UGT1A10: variants seen among roughly 807,000 people sequenced by gnomAD.
UGT1A10 encodes the protein UDP glucuronosyltransferase family 1 member A10, also known as UDP-glucuronosyltransferase 1A10.
In UGT1A10, 49 loss-of-function variants were observed where a neutral mutation model predicts 45.8. The observed-to-expected ratio is 1.07, with a 90% confidence interval of 0.85 to 1.36. The LOEUF (loss-of-function observed/expected upper bound fraction) is 1.36. Ranked by LOEUF, UGT1A10 falls within the 40% of genes most tolerant of loss-of-function variation. The probability of loss-of-function intolerance (pLI) is 0.00; values close to 1 mark genes in which losing one functional copy is unlikely to be tolerated. For missense variants in UGT1A10, 745 were observed against 668.6 expected (o/e 1.11, Z -1.26); for synonymous variants, 284 against 249.7 (o/e 1.14, Z -1.29).
intron 1 of UGT1A10, among the ~76,000 whole-genome samples, chr2:233,645,565 A>G (rs1487642268): frequency 6.6e-6 from 1 of 152,214 alleles, no homozygotes; most frequent in African/African-American, 2.4e-5. Flanking sequence ...CACCATTCCA[A>G]CTGGGAAAAA....
At chr2:233,727,498 G>A (rs2077621663) in intron 1 of UGT1A10, among the ~76,000 whole-genome samples, 1 of 152,136 alleles carries the variant, frequency 6.6e-6, no homozygotes, top group Non-Finnish European at 1.5e-5. Context: ...TAGAACATGG[G>A]AGCCCATGAA....
At chr2:233,699,174 T>G (rs1393097702) in intron 1 of UGT1A10, among the ~76,000 whole-genome samples, 1 of 152,106 alleles carries the variant, frequency 6.6e-6, no homozygotes, top group Non-Finnish European at 1.5e-5. Context: ...GTCTCTCTGA[T>G]CCTCACTTCT....
intron 1 of UGT1A10, among the ~76,000 whole-genome samples, chr2:233,728,932 CTTTT>C (rs1221733039): frequency 0.032 from 4,912 of 152,202 alleles, 256 homozygotes; most frequent in African/African-American, 0.11. Context: ...CATGATCGGT[CTTTT>C]CCAGGGTGGG....
chr2:233,762,218 A>G (rs1011647338), intron 1 of UGT1A10, among the ~76,000 whole-genome samples: 2 of 152,162 alleles, frequency 1.3e-5, no homozygotes, highest in African/African-American at 4.8e-5. Flanking sequence ...GCGCCCCATA[A>G]ATCTCAGCAC....
At chr2:233,695,979 G>A (rs568625801) in intron 1 of UGT1A10, among the ~76,000 whole-genome samples, 1 of 152,236 alleles carries the variant, frequency 6.6e-6, no homozygotes, top group African/African-American at 2.4e-5. Flanking sequence ...CAGTTCTGAA[G>A]ATGTCCACCT....
chr2:233,747,087 G>A, intron 1 of UGT1A10: 5 of 1,192,212 alleles, frequency 4.2e-6, no homozygotes, highest in Non-Finnish European at 5.8e-6. Flanking sequence ...TAGGAGGAGA[G>A]CACTCTATCT....
At chr2:233,691,284 A>T (rs555799821) in intron 1 of UGT1A10, 2 of 985,524 alleles carry the variant, frequency 2.0e-6, no homozygotes, top group South Asian at 9.4e-5. Context: ...GACTTTGATC[A>T]TTGTAAGCTG....
chr2:233,754,845 G>C, intron 1 of UGT1A10: 5 of 1,344,470 alleles, frequency 3.7e-6, no homozygotes, highest in Non-Finnish European at 5.0e-6. Context: ...ACTGAAGGCA[G>C]AGAAAAGGGG....
At chr2:233,681,807 G>A (rs1005220949) in intron 1 of UGT1A10, 28 of 1,493,670 alleles carry the variant, frequency 1.9e-5, no homozygotes, top group African/African-American at 2.8e-5. Flanking sequence ...GGCAGTGAAT[G>A]TGAATTTTTT....
rs186714678 is a variant in UGT1A10 at position 233,744,068 on chromosome 2, C to T, written c.856-22966C>T. On this transcript the variant is annotated intron_variant, in intron 1 of 4. Coordinates refer to ENST00000344644, the MANE Select transcript of UGT1A10 (RefSeq NM_019075.4). ...CATCTCATTGGTCGAGGCCTATGAG[C>T]GCCTCGCATCCCAAGATGCAGTGCT... is the stretch of plus-strand genomic sequence containing the variant. 2.4e-4 allele frequency: 123 copies of T among 517,010 alleles called. 1 individual carries two copies. Among genetic ancestry groups the T allele is most frequent in the African/African-American group, 1.6e-3 (78 of 49,160 alleles). 32.0% of individuals were successfully genotyped at this position (517,010 alleles called of 1,614,324 possible).
intron 1 of UGT1A10, chr2:233,691,735 C>A: frequency 1.4e-6 from 1 of 734,098 alleles, no homozygotes; most frequent in African/African-American, 1.9e-5. Flanking sequence ...GGGCCAGAAG[C>A]AGATACCAGG....
At chr2:233,678,916 G>T (rs190538655) in intron 1 of UGT1A10, among the ~76,000 whole-genome samples, 2,507 of 152,222 alleles carry the variant, frequency 0.016, 85 homozygotes, top group African/African-American at 0.057. Flanking sequence ...GTGAAGTCAT[G>T]TGCAACATCT....
intron 1 of UGT1A10, chr2:233,756,230 C>T (rs1280753131): frequency 1.3e-5 from 2 of 152,182 alleles, no homozygotes; most frequent in African/African-American, 4.8e-5. Context: ...TAGTTTAGGA[C>T]AACCCTCCTT....
chr2:233,654,155 T>A lies in UGT1A10; in HGVS notation c.855+16778T>A, dbSNP rs182693186. Reference sequence around the variant, plus strand: ...CAAATTGTAAAAATAATGCTGACAATTTAACCTTGTGAAAAAACCTAAAAA... The same window carrying A: ...CAAATTGTAAAAATAATGCTGACAAATTAACCTTGTGAAAAAACCTAAAAA... On this transcript the variant is annotated intron_variant, in intron 1 of 4. Transcript: ENST00000344644. Among the ~76,000 whole-genome samples, 441 of 152,248 alleles carry A rather than the reference T, an allele frequency of 2.9e-3. 3 individuals are homozygous for A. The highest frequency in any genetic ancestry group is 4.3e-3 in the Non-Finnish European group (294 of 68,016).
chr2:233,720,877 T>C (rs1220969089), intron 1 of UGT1A10, among the ~76,000 whole-genome samples: 1 of 150,532 alleles, frequency 6.6e-6, no homozygotes, highest in Non-Finnish European at 1.5e-5. Context: ...GGCAATTTTT[T>C]TTTTTTTTTT....
intron 4 of UGT1A10, among the ~76,000 whole-genome samples, chr2:233,768,707 C>T (rs1156909231): frequency 6.0e-5 from 9 of 150,670 alleles, no homozygotes; most frequent in Non-Finnish European, 1.3e-4. Flanking sequence ...CCTCAGCCTC[C>T]GTGTAGCTGG....
intron 1 of UGT1A10, among the ~76,000 whole-genome samples, chr2:233,656,954 C>G (rs1478956701): frequency 5.9e-5 from 9 of 151,566 alleles, no homozygotes; most frequent in Non-Finnish European, 1.5e-5. Context: ...GTGAGTCTTC[C>G]TGAAACAGGT....
intron 1 of UGT1A10, among the ~76,000 whole-genome samples, chr2:233,643,544 CT>C (rs2073516547): frequency 1.3e-5 from 2 of 152,212 alleles, no homozygotes; most frequent in Admixed American, 1.3e-4. Flanking sequence ...CTCTATCCCC[CT>C]GCAGCAGTGT....
chr2:233,766,561 C>T (rs1699182212), intron 1 of UGT1A10, among the ~76,000 whole-genome samples: 1 of 152,200 alleles, frequency 6.6e-6, no homozygotes, highest in Non-Finnish European at 1.5e-5. Context: ...CACCTAGGTC[C>T]ATGGGCACAG....
Sources: allele counts gnomAD v4.1 joint callset (sites outside exome capture counted in the v4.1 genomes callset), GRCh38; gene constraint gnomAD v4.1.1; transcripts MANE v1.5; gene names NCBI Gene and HGNC (gene_info 2026-07-23, HGNC 2026-07-21).